CELF2: variants seen among roughly 807,000 people sequenced by gnomAD.
CELF2 encodes CUGBP Elav-like family member 2.
Under a neutral mutation model 62.6 loss-of-function variants are expected in CELF2, and 8 were observed. That is an observed-to-expected ratio of 0.13 (90% CI 0.07 to 0.23). CELF2 has a LOEUF of 0.23. Among genes scored for constraint, CELF2 ranks in the 10% least tolerant of loss-of-function variants. The pLI, the probability that CELF2 is intolerant of heterozygous loss-of-function variation, is 1.00. For missense variants in CELF2, 333 were observed against 671.0 expected (o/e 0.50, Z 5.56); for synonymous variants, 258 against 250.0 (o/e 1.03, Z -0.30).
rs1481916988 is a variant in CELF2 at position 11,211,108 on chromosome 10, C to G, written c.272-6317C>G. The stretch of plus-strand genomic sequence containing the variant: ...CCTGAGCTATGTAGCAAGACCCAGT[C>G]TCTACTAAATAATTTAAAAATTAGC... On this transcript the variant is annotated intron_variant, in intron 2 of 12. Coordinates refer to ENST00000633077, the MANE Select transcript of CELF2 (RefSeq NM_001326342.2). This position sits in a 1 kb window ranked among gnomAD's most constrained non-coding sequence, Gnocchi z 4.8. Among the ~76,000 whole-genome samples, 4 of 152,188 alleles carry G rather than the reference C, an allele frequency of 2.6e-5. No individual in the cohort carries two copies. The highest frequency in any genetic ancestry group is 5.9e-5 in the Non-Finnish European group (4 of 68,032).
At position 11,158,908 on chromosome 10, in the gene CELF2, A is replaced by G. The variant is rs377035314; in HGVS notation, c.75-6578A>G. 1.3e-3 allele frequency among the ~76,000 whole-genome samples: 196 copies of G among 152,300 alleles called. 5 individuals carry two copies. The South Asian group carries it at 0.04, about 31-fold the overall frequency. ...ATGTCCTGTACATTCTTAAGAAACT[A>G]TTTTTTTAATTTTGTCAAAGTGCAG... On this transcript the variant is annotated intron_variant, in intron 1 of 12. Transcript: ENST00000633077.
At chr10:10,623,846 G>A in the CELF2 span, among the ~76,000 whole-genome samples, 5,292 of 152,210 alleles carry the variant, frequency 0.035, 201 homozygotes, top group African/African-American at 0.098. Flanking sequence ...CAACTTACAG[G>A]TCAAGAAGTC....
chr10:11,103,345 T>G (rs2052357728), intron 1 of CELF2, among the ~76,000 whole-genome samples: 1 of 141,396 alleles, frequency 7.1e-6, no homozygotes, highest in South Asian at 2.3e-4. Context: ...TTTTTTTTTT[T>G]GCTTTTTTTA....
chr10:11,257,577 G>A, intron 4 of CELF2, 161 bp from the exon 5 acceptor site: 1 of 648,470 alleles, frequency 1.5e-6, no homozygotes, highest in Non-Finnish European at 2.6e-6. Context: ...GCAGGGTGGG[G>A]CGCATGGAGG....
chr10:10,733,662 T>C, the CELF2 span, among the ~76,000 whole-genome samples: 206 of 152,280 alleles, frequency 1.4e-3, 1 homozygote, highest in Admixed American at 2.8e-3. Context: ...TCTTGCATGG[T>C]GGCAGACAAG....
chr10:11,253,672 G>A (rs896728902), intron 4 of CELF2, among the ~76,000 whole-genome samples: 1 of 152,012 alleles, frequency 6.6e-6, no homozygotes, highest in Non-Finnish European at 1.5e-5. Flanking sequence ...TTTTTTAAAT[G>A]AAGTTTCTAT....
chr10:10,511,523 TA>T, the CELF2 span, among the ~76,000 whole-genome samples: 1 of 152,036 alleles, frequency 6.6e-6, no homozygotes, highest in Non-Finnish European at 1.5e-5. Context: ...GAATAAAGTG[TA>T]AAGGAAAAAA....
the CELF2 span, among the ~76,000 whole-genome samples, chr10:10,522,764 T>A: frequency 6.6e-6 from 1 of 152,146 alleles, no homozygotes; most frequent in African/African-American, 2.4e-5. Context: ...GAGATGGGGT[T>A]TCATCATATT....
chr10:10,731,265 C>T, the CELF2 span, among the ~76,000 whole-genome samples: 1 of 152,088 alleles, frequency 6.6e-6, no homozygotes, highest in Non-Finnish European at 1.5e-5. Context: ...CACACACACA[C>T]ACACACACAC....
chr10:10,922,266 A>T (rs4750007), intron 2 of CELF2, among the ~76,000 whole-genome samples: 57,882 of 151,916 alleles, frequency 0.38, 12,356 homozygotes, highest in East Asian at 0.72. Context: ...CCCCGCTAAA[A>T]TTGTTTGTCT....
intron 3 of CELF2, among the ~76,000 whole-genome samples, chr10:11,229,457 C>T (rs2067808806): frequency 6.6e-6 from 1 of 152,130 alleles, no homozygotes; most frequent in Non-Finnish European, 1.5e-5. Context: ...TACTTCAGTC[C>T]ATTTGCATAT....
At chr10:10,858,240 G>T (rs1018540482) in intron 1 of CELF2, among the ~76,000 whole-genome samples, 2 of 152,112 alleles carry the variant, frequency 1.3e-5, no homozygotes, top group Non-Finnish European at 2.9e-5. Context: ...GATGGAAAAT[G>T]TTGCCTGAGG....
At chr10:10,541,242 C>CAAAAA in the CELF2 span, among the ~76,000 whole-genome samples, 2 of 112,926 alleles carry the variant, frequency 1.8e-5, no homozygotes, top group Non-Finnish European at 3.5e-5. Flanking sequence ...GACCCCATCT[C>CAAAAA]AAAAAAAAAA....
At chr10:10,908,014 C>T (rs2063482481) in intron 1 of CELF2, among the ~76,000 whole-genome samples, 1 of 152,170 alleles carries the variant, frequency 6.6e-6, no homozygotes, top group South Asian at 2.1e-4. Context: ...ATGTTCATCT[C>T]TCTCTCTCTC....
intron 1 of CELF2, among the ~76,000 whole-genome samples, chr10:11,101,126 T>C (rs556770233): frequency 6.6e-6 from 1 of 152,310 alleles, no homozygotes; most frequent in African/African-American, 2.4e-5. Flanking sequence ...GAGATGATGG[T>C]ATAAATGATG....
chr10:11,296,561 G>A lies in CELF2; in HGVS notation c.976+8009G>A, dbSNP rs543103748. On this transcript the variant is annotated intron_variant, in intron 9 of 12. Transcript: ENST00000633077. This position sits in a 1 kb window ranked among gnomAD's most constrained non-coding sequence, Gnocchi z 5.0. ...ATTCTAGTCACAACTTCCCAGAAGC[G>A]TATACTGTAAGTTCCATTTCTTCAG... 1.0e-3 allele frequency among the ~76,000 whole-genome samples: 157 copies of A among 152,250 alleles called. No homozygotes were observed. Among genetic ancestry groups the A allele is most frequent in the Non-Finnish European group, 2.0e-3 (134 of 68,012 alleles).
chr10:11,324,272 G>A lies in CELF2; in HGVS notation c.1295-1564G>A, dbSNP rs2095610177. Among the ~76,000 whole-genome samples, 1 of 152,198 alleles carries A rather than the reference G, an allele frequency of 6.6e-6. No homozygotes were observed. Among genetic ancestry groups the A allele is most frequent in the African/African-American group, 2.4e-5 (1 of 41,446 alleles). Reference sequence around the variant, plus strand: ...AACTGGGGCCCAATAACTCTCATTTGTGCATTTGGATCTTTTGTGCAGTAG... The same window carrying A: ...AACTGGGGCCCAATAACTCTCATTTATGCATTTGGATCTTTTGTGCAGTAG... On this transcript the variant is annotated intron_variant, in intron 11 of 12. Transcript: ENST00000633077. This position sits in a 1 kb window ranked among gnomAD's most constrained non-coding sequence, Gnocchi z 4.7.
chr10:11,077,492 A>G (rs969599067), intron 1 of CELF2, among the ~76,000 whole-genome samples: 1 of 152,214 alleles, frequency 6.6e-6, no homozygotes, highest in Non-Finnish European at 1.5e-5. Context: ...AATGAGGTCA[A>G]TTTGTTGGCG....
the CELF2 span, among the ~76,000 whole-genome samples, chr10:10,728,314 G>A: frequency 6.6e-5 from 10 of 151,376 alleles, no homozygotes; most frequent in South Asian, 2.1e-4. Flanking sequence ...TTAGCCAGGC[G>A]TGGTGGTGTG....
Sources: gnomAD v4.1 joint callset for allele counts (sites outside exome capture counted in the v4.1 genomes callset) on GRCh38, gnomAD v4.1.1 for gene constraint, Gnocchi (gnomAD v3.1) non-coding constraint, MANE v1.5 for transcripts, NCBI Gene and HGNC (gene_info 2026-07-23, HGNC 2026-07-21) for gene names.